The following INSIG1 variants were observed in gnomAD, a reference collection of about 807,000 sequenced individuals.
INSIG1 encodes insulin induced gene 1, also known as insulin-induced gene 1 protein.
A neutral mutation model predicts 26.5 loss-of-function variants in INSIG1; 14 were observed. That is an observed-to-expected ratio of 0.53 (90% CI 0.35 to 0.83). The LOEUF (loss-of-function observed/expected upper bound fraction) is 0.83, where lower values mean the gene tolerates loss of function less well. Ranked by LOEUF, INSIG1 falls within the 40% of genes least tolerant of loss-of-function variation. The pLI is 0.01. For synonymous variants in INSIG1, 147 were observed against 153.3 expected (o/e 0.96, Z 0.30); for missense variants, 272 against 368.9 (o/e 0.74, Z 2.15).
chr7:155,304,039 C>T (rs564875355), intron 5 of INSIG1: 9 of 309,940 alleles, frequency 2.9e-5, no homozygotes, highest in Admixed American at 1.4e-4. Context: ...TCATAGCTCA[C>T]TGTAACCTTG....
intron 2 of INSIG1, among the ~76,000 whole-genome samples, chr7:155,299,376 C>T (rs577073283): frequency 1.3e-5 from 2 of 152,328 alleles, no homozygotes; most frequent in Non-Finnish European, 2.9e-5. Flanking sequence ...GAACTGTGGA[C>T]ACGGGGACTG....
intron 2 of INSIG1, 60 bp downstream of exon 2, chr7:155,298,757 T>A (rs1485842318): frequency 2.7e-5 from 39 of 1,454,266 alleles, no homozygotes; most frequent in Non-Finnish European, 3.5e-5. Context: ...TTGAAAGTAC[T>A]TTTCAGCCTA....
intron 5 of INSIG1, chr7:155,303,718 A>T (rs576787621): frequency 8.8e-5 from 36 of 407,048 alleles, no homozygotes; most frequent in East Asian, 2.6e-4. Flanking sequence ...AAAGTAAATT[A>T]AAAAAAACAA....
rs1797827973 is a variant in INSIG1 at position 155,302,873 on chromosome 7, T to C, written c.804+27T>C. On this transcript the variant is annotated intron_variant, in intron 5 of 5. Coordinates refer to ENST00000340368, the MANE Select transcript of INSIG1 (RefSeq NM_005542.6). This position sits in a 1 kb window ranked among gnomAD's most constrained non-coding sequence, Gnocchi z 4.3. Reference sequence around the variant, plus strand: ...TAAGTGAAATGATCATATTATCTTCTAAAACTTGCGTCTCTTTACCTTGAT... The same window carrying C: ...TAAGTGAAATGATCATATTATCTTCCAAAACTTGCGTCTCTTTACCTTGAT... 2 of 1,454,140 alleles carry C rather than the reference T, an allele frequency of 1.4e-6. No homozygotes were observed. Among genetic ancestry groups the C allele is most frequent in the Non-Finnish European group, 1.9e-6 (2 of 1,035,050 alleles). 90.1% of individuals were successfully genotyped at this position (1,454,140 alleles called of 1,614,324 possible).
In INSIG1 at chr7:155,298,415, G is replaced by T; in HGVS notation, c.130G>T (p.Gly44Trp). Reference protein sequence around the residue: ...VGEMINVSVSGPSLLAAHGAP... With the variant: ...VGEMINVSVSWPSLLAAHGAP... ...GGAGATGATCAACGTTTCCGTGTCC[G>T]GGCCCTCCCTGCTGGCGGCCCACGG... Residue 44 changes from glycine to tryptophan, a missense_variant, in exon 2 of 6, where the codon GGG becomes TGG. By Grantham distance (184) the Gly-to-Trp change is radical. This residue lies in a region of INSIG1 where 161 missense variants were observed against 179.2 expected (regional missense o/e 0.90). Coordinates refer to ENST00000340368, the MANE Select transcript of INSIG1 (RefSeq NM_005542.6). 2 of 1,558,738 alleles carry T rather than the reference G, an allele frequency of 1.3e-6. No individual in the cohort carries two copies. Among genetic ancestry groups the T allele is most frequent in the African/African-American group, 1.4e-5 (1 of 73,724 alleles).
At chr7:155,300,433 A>G (rs1797752794) in intron 2 of INSIG1, among the ~76,000 whole-genome samples, 1 of 135,484 alleles carries the variant, frequency 7.4e-6, no homozygotes, top group East Asian at 2.4e-4. Context: ...AATTGAAAAC[A>G]ACATTTTTTA....
rs1479855268 is a variant in INSIG1, at chr7:155,308,383, T to G, written c.*113T>G. 1 of 1,262,798 alleles carries G rather than the reference T, an allele frequency of 7.9e-7. No individual in the cohort carries two copies. Among genetic ancestry groups the G allele is most frequent in the South Asian group, 1.2e-5 (1 of 83,542 alleles). The allele number at this position is 1,262,798 out of a possible 1,614,324, so 78.2% of individuals were successfully genotyped here. On this transcript the variant is annotated 3_prime_UTR_variant, in exon 6 of 6. Transcript: ENST00000340368. ...AGTAATCTATTTAGATCGGGCTGAC[T>G]GTACAAATGACTCCTGGAAAAAACT...
At chr7:155,303,466 G>A (rs527451038) in intron 5 of INSIG1, among the ~76,000 whole-genome samples, 26 of 152,326 alleles carry the variant, frequency 1.7e-4, no homozygotes, top group African/African-American at 5.1e-4. Context: ...GCACGTGGCC[G>A]GGTCACCATG....
chr7:155,300,238 G>A (rs1456399779), intron 2 of INSIG1, among the ~76,000 whole-genome samples: 1 of 150,032 alleles, frequency 6.7e-6, no homozygotes, highest in East Asian at 1.9e-4. Flanking sequence ...GGGTTTCTAG[G>A]AATATCTGGA....
chr7:155,303,041 A>G lies in INSIG1; in HGVS notation c.804+195A>G, dbSNP rs184003228. 1.5e-4 allele frequency: 70 copies of G among 475,924 alleles called. 1 individual carries two copies. The East Asian group carries it at 2.2e-3, about 15-fold the overall frequency. 29.5% of individuals were successfully genotyped at this position (475,924 alleles called of 1,614,324 possible). On this transcript the variant is annotated intron_variant, in intron 5 of 5. Transcript: ENST00000340368. Reference sequence around the variant, plus strand: ...CTTTGCTAAATTATAAAAATTCATAATATTTGATCTAGAAAAGGAACTAGA... The same window carrying G: ...CTTTGCTAAATTATAAAAATTCATAGTATTTGATCTAGAAAAGGAACTAGA...
Position 155,302,433 on chromosome 7 carries a change from C to G in INSIG1, c.704+16C>G, listed in dbSNP as rs1185312312. 3.2e-5 allele frequency: 50 copies of G among 1,554,398 alleles called. No homozygotes were observed. Among genetic ancestry groups the G allele is most frequent in the Non-Finnish European group, 4.3e-5 (49 of 1,151,682 alleles). On this transcript the variant is annotated intron_variant, in intron 4 of 5. Transcript: ENST00000340368. The surrounding 1 kb of genome is among the most constrained non-coding windows in gnomAD (Gnocchi z 4.3). ...GTGTCTATCAGTAAGTGTGTGTTTTCAAATATTGGCTTTGGAAAGCTTACT... is the reference window on the plus strand; with the variant it reads ...GTGTCTATCAGTAAGTGTGTGTTTTGAAATATTGGCTTTGGAAAGCTTACT...
At position 155,298,065 on chromosome 7, in the gene INSIG1, G is replaced by A. The variant is rs530433493; in HGVS notation, c.-28+106G>A. 1.3e-3 allele frequency: 535 copies of A among 407,950 alleles called. 3 individuals are homozygous for A. Among genetic ancestry groups the A allele is most frequent in the East Asian group, 4.5e-3 (119 of 26,428 alleles). The allele number at this position is 407,950 out of a possible 1,614,324, so 25.3% of individuals were successfully genotyped here. A position where few individuals can be genotyped will look rare whatever the true frequency, so the allele number is the denominator to read the frequency against. ...GGGCCCTGTTGGGTCTTTGGGACGC[G>A]GGTCCCGCTGGGGCCGGGGATGCTG... On this transcript the variant is annotated intron_variant, in intron 1 of 5. Coordinates refer to ENST00000340368, the MANE Select transcript of INSIG1 (RefSeq NM_005542.6).
intron 5 of INSIG1, among the ~76,000 whole-genome samples, chr7:155,305,145 CA>C (rs34325240): frequency 1.9e-3 from 154 of 80,120 alleles, no homozygotes; most frequent in East Asian, 3.6e-3. Context: ...GACTCTGTCT[CA>C]AAAAAAAAAA....
At chr7:155,307,389 A>G (rs1797965235) in intron 5 of INSIG1, among the ~76,000 whole-genome samples, 1 of 152,208 alleles carries the variant, frequency 6.6e-6, no homozygotes, top group Admixed American at 6.5e-5. Context: ...GTGGAGGGCA[A>G]TTAAGTAACG....
chr7:155,298,198 C>G, intron 1 of INSIG1, 61 bp from the exon 2 acceptor site: 1 of 1,311,008 alleles, frequency 7.6e-7, no homozygotes, highest in Non-Finnish European at 9.8e-7. Flanking sequence ...GGTTCGCGTC[C>G]CGCGGGGCCT....
rs1340652733 is a variant in INSIG1 at position 155,309,459 on chromosome 7, C to G, written c.*1189C>G. 6.6e-6 allele frequency: 1 copy of G among 152,626 alleles called. No homozygotes were observed. The highest frequency in any genetic ancestry group is 2.4e-5 in the African/African-American group (1 of 41,442). 9.5% of individuals were successfully genotyped at this position (152,626 alleles called of 1,614,324 possible). A position where few individuals can be genotyped will look rare whatever the true frequency, so the allele number is the denominator to read the frequency against. On this transcript the variant is annotated 3_prime_UTR_variant, in exon 6 of 6. Transcript: ENST00000340368. The stretch of plus-strand genomic sequence containing the variant: ...TGTGAAGTTCCTTTCGTGTTACACC[C>G]TCCACTGAACCCTCAACCTTCGAAA...
rs548765721 is a variant in INSIG1, at chr7:155,308,374, C to T, written c.*104C>T. 7.4e-6 allele frequency: 10 copies of T among 1,345,544 alleles called. No homozygotes were observed. Among genetic ancestry groups the T allele is most frequent in the South Asian group, 3.5e-5 (3 of 85,430 alleles). 83.4% of individuals were successfully genotyped at this position (1,345,544 alleles called of 1,614,324 possible). A position where few individuals can be genotyped will look rare whatever the true frequency, so the allele number is the denominator to read the frequency against. On this transcript the variant is annotated 3_prime_UTR_variant, in exon 6 of 6. Coordinates refer to ENST00000340368, the MANE Select transcript of INSIG1 (RefSeq NM_005542.6). Reference sequence around the variant, plus strand: ...TTTTTCTTAAGTAATCTATTTAGATCGGGCTGACTGTACAAATGACTCCTG... The same window carrying T: ...TTTTTCTTAAGTAATCTATTTAGATTGGGCTGACTGTACAAATGACTCCTG...
chr7:155,304,845 TGGA>T (rs1340427041), intron 5 of INSIG1, among the ~76,000 whole-genome samples: 1 of 152,084 alleles, frequency 6.6e-6, no homozygotes, highest in East Asian at 1.9e-4. Flanking sequence ...ATCTTAAAAC[TGGA>T]GGAGAGAGGC....
At chr7:155,300,865 T>C (rs1404681719) in intron 2 of INSIG1, among the ~76,000 whole-genome samples, 4 of 152,206 alleles carry the variant, frequency 2.6e-5, no homozygotes, top group Non-Finnish European at 5.9e-5. Context: ...TGGTCTGGTG[T>C]TCTTTCCGCA....
Sources: gnomAD v4.1 joint callset for allele counts (sites outside exome capture counted in the v4.1 genomes callset) on GRCh38, gnomAD v4.1.1 for gene constraint, gnomAD v4.1.1 regional missense constraint, Gnocchi (gnomAD v3.1) non-coding constraint, MANE v1.5 for transcripts, NCBI Gene and HGNC (gene_info 2026-07-23, HGNC 2026-07-21) for gene names.